The following DSE variants were observed in gnomAD, a reference collection of about 807,000 sequenced individuals.
The protein encoded by DSE is dermatan-sulfate epimerase.
DSE carries 36 observed loss-of-function variants against 84.4 expected under a neutral mutation model. That is an observed-to-expected ratio of 0.43 (90% CI 0.33 to 0.56). The LOEUF (loss-of-function observed/expected upper bound fraction) is 0.56, where lower values mean the gene tolerates loss of function less well. Ranked by LOEUF, DSE falls within the 20% of genes least tolerant of loss-of-function variation. The probability of loss-of-function intolerance (pLI) is 0.06; values close to 1 mark genes in which losing one functional copy is unlikely to be tolerated. For missense variants in DSE, 862 were observed against 1,169.6 expected (o/e 0.74, Z 3.84); for synonymous variants, 410 against 430.1 (o/e 0.95, Z 0.58).
intron 2 of DSE, among the ~76,000 whole-genome samples, chr6:116,341,241 G>A (rs1777571102): frequency 6.6e-6 from 1 of 152,202 alleles, no homozygotes; most frequent in Non-Finnish European, 1.5e-5. Flanking sequence ...GGCCAGTGAT[G>A]ATGACCATTT....
intron 2 of DSE, among the ~76,000 whole-genome samples, chr6:116,404,807 G>A (rs992345591): frequency 1.3e-5 from 2 of 152,144 alleles, no homozygotes; most frequent in African/African-American, 4.8e-5. Flanking sequence ...AAAAGTATTT[G>A]TTGTGACTCT....
intron 1 of DSE, among the ~76,000 whole-genome samples, chr6:116,381,952 G>C (rs1339585054): frequency 6.6e-6 from 1 of 151,898 alleles, no homozygotes; most frequent in East Asian, 1.9e-4. Context: ...CTTTTACCAA[G>C]TTTCTGGTGG....
intron 2 of DSE, among the ~76,000 whole-genome samples, chr6:116,421,867 G>C (rs1228784710): frequency 1.3e-5 from 2 of 151,978 alleles, no homozygotes; most frequent in Non-Finnish European, 2.9e-5. Context: ...GTGTTTTTTT[G>C]GTTGAAGTAT....
chr6:116,282,977 T>C (rs768268692), intron 2 of DSE, among the ~76,000 whole-genome samples: 4 of 152,222 alleles, frequency 2.6e-5, no homozygotes, highest in African/African-American at 4.8e-5. Flanking sequence ...ATTGTACTTA[T>C]TATAGTAGGA....
At chr6:116,397,578 T>C (rs1378000028) in intron 1 of DSE, among the ~76,000 whole-genome samples, 1 of 152,156 alleles carries the variant, frequency 6.6e-6, no homozygotes, top group African/African-American at 2.4e-5. Flanking sequence ...GACCCAGCCA[T>C]TTCTGTGTGC....
intron 2 of DSE, among the ~76,000 whole-genome samples, chr6:116,353,473 G>C (rs766226186): frequency 6.6e-6 from 1 of 152,006 alleles, no homozygotes. Context: ...TCTTATAAAG[G>C]TTTCTCAGTA....
At chr6:116,404,656 T>C (rs1344809194) in intron 2 of DSE, among the ~76,000 whole-genome samples, 1 of 152,278 alleles carries the variant, frequency 6.6e-6, no homozygotes, top group African/African-American at 2.4e-5. Flanking sequence ...CTTAGCATTA[T>C]GTGCCTGGCA....
intron 2 of DSE, among the ~76,000 whole-genome samples, chr6:116,270,386 G>T (rs1456954479): frequency 6.6e-6 from 1 of 152,098 alleles, no homozygotes; most frequent in African/African-American, 2.4e-5. Context: ...GGTTAAGTTG[G>T]AGTTTGGTGA....
intron 2 of DSE, among the ~76,000 whole-genome samples, chr6:116,296,126 C>T (rs1049308059): frequency 6.6e-6 from 1 of 152,032 alleles, no homozygotes; most frequent in Non-Finnish European, 1.5e-5. Flanking sequence ...CCCTCAGATA[C>T]CAAAATCCAT....
intron 2 of DSE, among the ~76,000 whole-genome samples, chr6:116,327,093 G>T (rs896401182): frequency 1.3e-5 from 2 of 152,156 alleles, no homozygotes; most frequent in African/African-American, 2.4e-5. Flanking sequence ...AAATTAAGGG[G>T]TCCAAAGATA....
In DSE at chr6:116,436,431, A is replaced by G; in HGVS notation, c.1963A>G (p.Ser655Gly). The G allele has an allele frequency of 6.2e-7, 1 of 1,614,122 alleles. No homozygotes were observed. The highest frequency in any genetic ancestry group is 8.5e-7 in the Non-Finnish European group (1 of 1,180,010). Residue 655 changes from serine (S) to glycine (G), a missense_variant, in exon 6 of 6, where the codon AGT (serine) becomes GGT (glycine). Transcript: ENST00000644252. ...TGTGAATGTCACCATGCACCTCCGA[A>G]GTCCCATCACCAGGGCAGCTTACCT... ...NYVNVTMHLR[S>G]PITRAAYLFI...
Position 116,437,372 on chromosome 6 carries a change from T to C in DSE, c.*27T>C. The C allele has an allele frequency of 1.3e-6, 2 of 1,538,854 alleles. No individual in the cohort carries two copies. Among genetic ancestry groups the C allele is most frequent in the Non-Finnish European group, 1.7e-6 (2 of 1,146,944 alleles). ...ACTGAAGCTATAAATTACCTGGTCA[T>C]TTTGTGATCACAAGAGTCTATGCAA... On this transcript the variant is annotated 3_prime_UTR_variant, in exon 6 of 6. Transcript: ENST00000644252.
chr6:116,426,228 G>A (rs1039101920), intron 2 of DSE, among the ~76,000 whole-genome samples: 1 of 152,196 alleles, frequency 6.6e-6, no homozygotes, highest in African/African-American at 2.4e-5. Flanking sequence ...GTGAGCACTG[G>A]TTAAATGGGT....
upstream of DSE, chr6:116,369,839 G>C (rs1779398131): frequency 8.7e-7 from 1 of 1,152,214 alleles, no homozygotes; most frequent in Non-Finnish European, 1.2e-6. Flanking sequence ...GAGAACCTCT[G>C]AGGATAGAGG....
rs1458100077 is a variant in DSE, at chr6:116,258,263, G to A, written c.-575-183G>A. On this transcript the variant is annotated intron_variant, in intron 1 of 3. Coordinates refer to the DSE transcript ENST00000430252. Reference sequence around the variant, plus strand: ...ACTCCCAACCTCAGGTGATCTGCCCGCCTTGGCCTCTCAAAGAGCTGGGAT... The same window carrying A: ...ACTCCCAACCTCAGGTGATCTGCCCACCTTGGCCTCTCAAAGAGCTGGGAT... 1.8e-4 allele frequency among the ~76,000 whole-genome samples: 27 copies of A among 151,876 alleles called. 1 individual carries two copies. Among genetic ancestry groups the A allele is most frequent in the Admixed American group, 1.6e-3 (25 of 15,246 alleles).
At chr6:116,279,393 C>T (rs774417900) in intron 2 of DSE, 15 of 1,612,964 alleles carry the variant, frequency 9.3e-6, no homozygotes, top group Non-Finnish European at 9.3e-6. Flanking sequence ...CCTCCGCCCC[C>T]GCCGTCAGCT....
chr6:116,360,890 C>A lies in DSE; in HGVS notation c.-53-38308C>A, dbSNP rs571191000. Among the ~76,000 whole-genome samples the A allele has an allele frequency of 6.5e-4, 99 of 152,202 alleles. 2 individuals are homozygous for A. The South Asian group carries it at 0.02, about 31-fold the overall frequency. ...GCTAATATTTGTGCTGACTGCATGA[C>A]AATTAAATTCACTGGTCAGAGTTCT... On this transcript the variant is annotated intron_variant, in intron 2 of 3. Coordinates refer to the DSE transcript ENST00000430252.
chr6:116,265,239 G>A (rs1360237968), intron 2 of DSE, among the ~76,000 whole-genome samples: 1 of 152,102 alleles, frequency 6.6e-6, no homozygotes, highest in Admixed American at 6.6e-5. Flanking sequence ...TTGACTCAGG[G>A]GTGGGTCACT....
chr6:116,402,609 T>C (rs1025795557), intron 2 of DSE, among the ~76,000 whole-genome samples: 2 of 152,152 alleles, frequency 1.3e-5, no homozygotes, highest in African/African-American at 4.8e-5. Flanking sequence ...AATTAGACCC[T>C]GTTTGGTTTA....
Sources: allele counts gnomAD v4.1 joint callset (sites outside exome capture counted in the v4.1 genomes callset), GRCh38; gene constraint gnomAD v4.1.1; transcripts MANE v1.5; gene names NCBI Gene and HGNC (gene_info 2026-07-23, HGNC 2026-07-21).